The following FILIP1 variants were observed in gnomAD, a reference collection of about 807,000 sequenced individuals.
The protein encoded by FILIP1 is filamin A interacting protein 1.
FILIP1 carries 61 observed loss-of-function variants against 102.1 expected under a neutral mutation model. That is an observed-to-expected ratio of 0.60 (90% CI 0.49 to 0.74). The LOEUF (loss-of-function observed/expected upper bound fraction) is 0.74. Ranked by LOEUF, FILIP1 falls within the 30% of genes least tolerant of loss-of-function variation. FILIP1 has a pLI of 0.00. For synonymous variants in FILIP1, 491 were observed against 526.9 expected (o/e 0.93, Z 0.93); for missense variants, 1,314 against 1,441.2 (o/e 0.91, Z 1.43).
chr6:75,297,440 A>G (rs991480305), intron 6 of FILIP1, among the ~76,000 whole-genome samples: 2 of 152,166 alleles, frequency 1.3e-5, no homozygotes, highest in East Asian at 3.9e-4. Flanking sequence ...TTTGAGGTAG[A>G]TAAGAAAGCC....
intron 2 of FILIP1, among the ~76,000 whole-genome samples, chr6:75,412,580 G>A (rs1173810003): frequency 6.6e-6 from 1 of 152,030 alleles, no homozygotes; most frequent in Non-Finnish European, 1.5e-5. Flanking sequence ...ACCCACATTT[G>A]CTAATGTTAA....
intron 1 of FILIP1, among the ~76,000 whole-genome samples, chr6:75,460,686 T>C (rs1778995892): frequency 2.0e-5 from 3 of 152,220 alleles, no homozygotes. Context: ...TTAGCCTCTA[T>C]TTCTGAGATT....
chr6:75,390,087 G>A (rs1175239546), intron 2 of FILIP1, among the ~76,000 whole-genome samples: 9 of 152,180 alleles, frequency 5.9e-5, no homozygotes, highest in African/African-American at 2.2e-4. Context: ...TATGGTCTAC[G>A]CATCTGCGGT....
At chr6:75,441,657 G>A (rs1320138563) in intron 1 of FILIP1, among the ~76,000 whole-genome samples, 1 of 147,656 alleles carries the variant, frequency 6.8e-6, no homozygotes, top group African/African-American at 2.6e-5. Flanking sequence ...GCCGGGCGGG[G>A]GGCTGACGCC....
chr6:75,404,528 T>C (rs1776769051), intron 2 of FILIP1, among the ~76,000 whole-genome samples: 1 of 152,182 alleles, frequency 6.6e-6, no homozygotes. Flanking sequence ...AAATGCATGG[T>C]CTCTCCCTGC....
chr6:75,402,425 G>T (rs938029365), intron 2 of FILIP1, among the ~76,000 whole-genome samples: 2 of 152,152 alleles, frequency 1.3e-5, no homozygotes, highest in Non-Finnish European at 2.9e-5. Context: ...ATGGTGTGAG[G>T]TTTCACTGGG....
At chr6:75,479,233 A>G (rs1372283422) in intron 1 of FILIP1, among the ~76,000 whole-genome samples, 1 of 152,146 alleles carries the variant, frequency 6.6e-6, no homozygotes, top group Non-Finnish European at 1.5e-5. Flanking sequence ...AAAACAATGT[A>G]CTCTCAAAAG....
intron 1 of FILIP1, among the ~76,000 whole-genome samples, chr6:75,476,219 C>T (rs1011838481): frequency 1.1e-4 from 15 of 139,566 alleles, no homozygotes; most frequent in East Asian, 2.1e-4. Flanking sequence ...CGAGCCTGGG[C>T]GACAGAGCAA....
rs1314283488 is a variant in FILIP1 at position 75,372,657 on chromosome 6, GA to G, written c.277-9741del. Among the ~76,000 whole-genome samples the G allele has an allele frequency of 2.2e-3, 131 of 58,568 alleles. 1 individual carries two copies. The highest frequency in any genetic ancestry group is 3.5e-3 in the Non-Finnish European group (110 of 31,152). The allele number at this position is 58,568 out of a possible 152,430, so 38.4% of individuals were successfully genotyped here. ...AGAAAGAAAGAAAGAAAGAAAGAAA[GA>G]AAGAAAGAAAGAAAGAAAGAAAGAA... On this transcript the variant is annotated intron_variant, in intron 2 of 5. Transcript: ENST00000237172.
intron 4 of FILIP1, among the ~76,000 whole-genome samples, chr6:75,332,998 A>C (rs1774130462): frequency 1.3e-5 from 2 of 152,210 alleles, no homozygotes; most frequent in Non-Finnish European, 2.9e-5. Flanking sequence ...TAAAGCTCTT[A>C]ATTAAGATAC....
chr6:75,355,692 C>T (rs570954475), intron 3 of FILIP1, among the ~76,000 whole-genome samples: 22 of 152,250 alleles, frequency 1.4e-4, no homozygotes, highest in African/African-American at 4.6e-4. Flanking sequence ...CATGAGCCAC[C>T]GCACCTGTCC....
intron 1 of FILIP1, among the ~76,000 whole-genome samples, chr6:75,425,057 C>A (rs1171732279): frequency 6.6e-6 from 1 of 152,098 alleles, no homozygotes; most frequent in East Asian, 1.9e-4. Context: ...GCCCTGAGAT[C>A]CCTTGTCTTA....
intron 2 of FILIP1, among the ~76,000 whole-genome samples, chr6:75,364,332 CATCAGA>C (rs1775261783): frequency 6.6e-6 from 1 of 152,114 alleles, no homozygotes; most frequent in African/African-American, 2.4e-5. Flanking sequence ...ACACTGTGCT[CATCAGA>C]AAAACGTGCC....
chr6:75,314,750 T>A lies in FILIP1; in HGVS notation c.1082A>T (p.Glu361Val). 6.2e-7 allele frequency: 1 copy of A among 1,614,176 alleles called. No homozygotes were observed. The highest frequency in any genetic ancestry group is 8.5e-7 in the Non-Finnish European group (1 of 1,180,018). The change falls in exon 5 of 6, where the codon GAA (glutamate) becomes GTA (valine). Residue 361 changes from glutamate to valine, a missense_variant. Coordinates refer to ENST00000237172, the MANE Select transcript of FILIP1 (RefSeq NM_015687.5). Reference protein sequence around the residue: ...NLQKAEEELQELRDKIAKGEC... With the variant: ...NLQKAEEELQVLRDKIAKGEC... ...TCCTTTGGCAATTTTATCTCTTAAT[T>A]CTTGAAGTTCTTCCTCTGCCTTCTG...
At chr6:75,487,062 A>G (rs1230914125) in intron 1 of FILIP1, among the ~76,000 whole-genome samples, 1 of 152,180 alleles carries the variant, frequency 6.6e-6, no homozygotes, top group African/African-American at 2.4e-5. Context: ...TATTCAAACC[A>G]GAAGATGATA....
At chr6:75,374,348 C>T (rs1171417658) in intron 2 of FILIP1, among the ~76,000 whole-genome samples, 1 of 152,154 alleles carries the variant, frequency 6.6e-6, no homozygotes, top group East Asian at 1.9e-4. Context: ...CAGATAGGGT[C>T]CAGCTTTCTG....
At chr6:75,397,130 C>T (rs967273822) in intron 2 of FILIP1, among the ~76,000 whole-genome samples, 2 of 151,490 alleles carry the variant, frequency 1.3e-5, no homozygotes, top group East Asian at 3.9e-4. Flanking sequence ...CTAACCTGCA[C>T]GTTGTGCACA....
At chr6:75,412,936 A>G (rs1273497310) in intron 2 of FILIP1, among the ~76,000 whole-genome samples, 1 of 152,106 alleles carries the variant, frequency 6.6e-6, no homozygotes, top group Non-Finnish European at 1.5e-5. Context: ...GAATATATCT[A>G]TTGTGTAATG....
intron 1 of FILIP1, chr6:75,428,412 A>C (rs1295791154): frequency 8.3e-6 from 1 of 121,192 alleles, no homozygotes; most frequent in Non-Finnish European, 1.7e-5. Flanking sequence ...TTGTTAATAG[A>C]TTATTGGTCA....
Sources: allele counts gnomAD v4.1 joint callset (sites outside exome capture counted in the v4.1 genomes callset), GRCh38; gene constraint gnomAD v4.1.1; transcripts MANE v1.5; gene names NCBI Gene and HGNC (gene_info 2026-07-23, HGNC 2026-07-21).